KCNJ12: variants seen among roughly 807,000 people sequenced by gnomAD.
KCNJ12 encodes the protein potassium inwardly rectifying channel subfamily J member 12.
In KCNJ12, 2 loss-of-function variants were observed where a neutral mutation model predicts 22.3. The ratio of observed to expected loss-of-function variants is 0.09; its 90% confidence interval spans 0.04 to 0.28. The LOEUF (loss-of-function observed/expected upper bound fraction) is 0.28, where lower values mean the gene tolerates loss of function less well. KCNJ12 is among the 10% of genes least tolerant of loss of function. The probability of loss-of-function intolerance (pLI) is 1.00; values close to 1 mark genes in which losing one functional copy is unlikely to be tolerated. For missense variants in KCNJ12, 155 were observed against 633.3 expected (o/e 0.24, Z 8.11); for synonymous variants, 117 against 261.4 (o/e 0.45, Z 5.33).
Position 21,417,624 on chromosome 17 carries a change from A to C in KCNJ12, c.*980A>C, listed in dbSNP as rs1216196073. On this transcript the variant is annotated 3_prime_UTR_variant, in exon 3 of 3. Transcript: ENST00000583088. ...AAGTCGGGATCCCAGGCTAGGAGGAAGCTGGCAGCCCCGTCCCCACTGGGC... is the reference window on the plus strand; with the variant it reads ...AAGTCGGGATCCCAGGCTAGGAGGACGCTGGCAGCCCCGTCCCCACTGGGC... The C allele has an allele frequency of 6.0e-6, 1 of 167,346 alleles. No homozygotes were observed. Among genetic ancestry groups the C allele is most frequent in the Non-Finnish European group, 1.5e-5 (1 of 68,326 alleles). 10.4% of individuals were successfully genotyped at this position (167,346 alleles called of 1,614,324 possible). A position where few individuals can be genotyped will look rare whatever the true frequency, so the allele number is the denominator to read the frequency against.
chr17:21,400,859 G>C (rs1905574694), intron 1 of KCNJ12, among the ~76,000 whole-genome samples: 1 of 152,310 alleles, frequency 6.6e-6, no homozygotes, highest in Non-Finnish European at 1.5e-5. Context: ...TTAGCATGCT[G>C]TTGCTTATGA....
chr17:21,385,463 G>A (rs28719058), intron 1 of KCNJ12, among the ~76,000 whole-genome samples: 85,306 of 152,000 alleles, frequency 0.56, 24,508 homozygotes, highest in African/African-American at 0.67. Context: ...CCGGAGGCTC[G>A]GCCCTGCCAT....
At chr17:21,393,013 C>T (rs1436528666) in intron 1 of KCNJ12, among the ~76,000 whole-genome samples, 2 of 152,170 alleles carry the variant, frequency 1.3e-5, no homozygotes, top group East Asian at 3.8e-4. Context: ...CCCCTTCTTT[C>T]CGAGTCCCCT....
Position 21,419,125 on chromosome 17 carries a change from C to G in KCNJ12, c.*2481C>G, listed in dbSNP as rs1597591508. 1 of 166,846 alleles carries G rather than the reference C, an allele frequency of 6.0e-6. No individual in the cohort carries two copies. The highest frequency in any genetic ancestry group is 2.4e-5 in the African/African-American group (1 of 41,370). The allele number at this position is 166,846 out of a possible 1,614,324, so 10.3% of individuals were successfully genotyped here. A position where few individuals can be genotyped will look rare whatever the true frequency, so the allele number is the denominator to read the frequency against. On this transcript the variant is annotated 3_prime_UTR_variant, in exon 3 of 3. Coordinates refer to ENST00000583088, the MANE Select transcript of KCNJ12 (RefSeq NM_021012.5). ...GTCTCCCTCTTTAGTGCACTTGAAG[C>G]GGGAGGGCGGATGGGATGAGCCAGG...
intron 1 of KCNJ12, among the ~76,000 whole-genome samples, chr17:21,397,396 G>C (rs376972034): frequency 1.3e-5 from 2 of 152,212 alleles, no homozygotes; most frequent in African/African-American, 2.4e-5. Flanking sequence ...TTCAGCGCCC[G>C]GCTGCCTGTG....
chr17:21,415,209 C>G lies in KCNJ12; in HGVS notation c.-56-78C>G. Reference sequence around the variant, plus strand: ...TCAGGGTGGAAGCGTCCTCCAGTCACGTCTGGGGGCCCTGGGATGGGGGTA... The same window carrying G: ...TCAGGGTGGAAGCGTCCTCCAGTCAGGTCTGGGGGCCCTGGGATGGGGGTA... On this transcript the variant is annotated intron_variant, in intron 2 of 2. Transcript: ENST00000583088. 5.8e-6 allele frequency: 8 copies of G among 1,368,718 alleles called. No homozygotes were observed. In the East Asian group the frequency reaches 1.0e-4, roughly 17 times the overall value. 84.8% of individuals were successfully genotyped at this position (1,368,718 alleles called of 1,614,324 possible).
At chr17:21,396,529 C>G (rs909236506) in intron 1 of KCNJ12, among the ~76,000 whole-genome samples, 3 of 152,196 alleles carry the variant, frequency 2.0e-5, no homozygotes, top group Admixed American at 2.0e-4. Context: ...GAGACATCCC[C>G]GTGCCTGGCC....
At chr17:21,407,781 A>C in intron 1 of KCNJ12, among the ~76,000 whole-genome samples, 1 of 152,106 alleles carries the variant, frequency 6.6e-6, no homozygotes, top group African/African-American at 2.4e-5. Context: ...CCATCCATCC[A>C]TCCTATTATC....
chr17:21,409,224 A>G (rs1329784841), intron 2 of KCNJ12, among the ~76,000 whole-genome samples: 59 of 152,408 alleles, frequency 3.9e-4, no homozygotes, highest in African/African-American at 1.3e-3. Flanking sequence ...AGAGGATCCT[A>G]AAGGGGGCCA....
chr17:21,384,303 T>C (rs1211394272), intron 1 of KCNJ12, among the ~76,000 whole-genome samples: 1 of 152,182 alleles, frequency 6.6e-6, no homozygotes, highest in Non-Finnish European at 1.5e-5. Flanking sequence ...GGCATCTGAA[T>C]GCACAGAGCC....
chr17:21,407,893 TCCAC>T (rs1906066905), intron 1 of KCNJ12, among the ~76,000 whole-genome samples: 1 of 152,284 alleles, frequency 6.6e-6, no homozygotes, highest in Admixed American at 6.5e-5. Flanking sequence ...CATCCATCCA[TCCAC>T]CCACCCATGT....
chr17:21,382,012 A>G (rs1372478949), intron 1 of KCNJ12, among the ~76,000 whole-genome samples: 5 of 152,246 alleles, frequency 3.3e-5, no homozygotes, highest in African/African-American at 9.6e-5. Context: ...CAGAGAGGTC[A>G]CTGTCCAAGA....
At chr17:21,402,297 A>AG (rs1905661044) in intron 1 of KCNJ12, among the ~76,000 whole-genome samples, 6 of 152,296 alleles carry the variant, frequency 3.9e-5, no homozygotes, top group Non-Finnish European at 7.3e-5. Flanking sequence ...GACCTCTGGA[A>AG]TAGTCTCCAC....
chr17:21,393,559 C>T (rs1555559572), intron 1 of KCNJ12, among the ~76,000 whole-genome samples: 1 of 152,214 alleles, frequency 6.6e-6, no homozygotes, highest in Non-Finnish European at 1.5e-5. Flanking sequence ...CTCAGACCCC[C>T]CCGTGCGGGT....
chr17:21,416,975 C>T lies in KCNJ12; in HGVS notation c.*331C>T, dbSNP rs1217332423. ...CTCAGCTCGATGGTGGGCCCAGCCT[C>T]TGCTGTCCAAGGCTGGCTAGCTGCG... On this transcript the variant is annotated 3_prime_UTR_variant, in exon 3 of 3. Coordinates refer to ENST00000583088, the MANE Select transcript of KCNJ12 (RefSeq NM_021012.5). 62 of 428,842 alleles carry T rather than the reference C, an allele frequency of 1.4e-4. No homozygotes were observed. The highest frequency in any genetic ancestry group is 2.4e-4 in the Non-Finnish European group (56 of 233,864). The allele number at this position is 428,842 out of a possible 1,614,324, so 26.6% of individuals were successfully genotyped here.
chr17:21,398,091 A>G (rs911693978), intron 1 of KCNJ12, among the ~76,000 whole-genome samples: 14 of 146,836 alleles, frequency 9.5e-5, no homozygotes, highest in African/African-American at 2.5e-4. Context: ...ACGTGTGTGT[A>G]TGTGTGTGTG....
chr17:21,414,666 G>A (rs531016775), intron 2 of KCNJ12, among the ~76,000 whole-genome samples: 4 of 152,420 alleles, frequency 2.6e-5, no homozygotes, highest in South Asian at 2.1e-4. Flanking sequence ...GGCACAAGGA[G>A]GCCTCTGGTG....
intron 1 of KCNJ12, among the ~76,000 whole-genome samples, chr17:21,402,315 T>C (rs1262530027): frequency 2.0e-5 from 3 of 152,298 alleles, no homozygotes; most frequent in African/African-American, 7.2e-5. Context: ...CACCCGTCTC[T>C]GGATTTACTC....
At chr17:21,389,268 G>A (rs962254563) in intron 1 of KCNJ12, among the ~76,000 whole-genome samples, 1 of 152,228 alleles carries the variant, frequency 6.6e-6, no homozygotes, top group African/African-American at 2.4e-5. Flanking sequence ...GGCTGGTCCA[G>A]GCACCTCTTT....
Sources: allele counts gnomAD v4.1 joint callset (sites outside exome capture counted in the v4.1 genomes callset), GRCh38; gene constraint gnomAD v4.1.1; transcripts MANE v1.5; gene names NCBI Gene and HGNC (gene_info 2026-07-23, HGNC 2026-07-21).